Variants in TYW1 observed in about 807,000 individuals in gnomAD.
TYW1 encodes S-adenosyl-L-methionine-dependent tRNA 4-demethylwyosine synthase TYW1.
In TYW1, 46 loss-of-function variants were observed where a neutral mutation model predicts 96.2. The ratio of observed to expected loss-of-function variants is 0.48; its 90% confidence interval spans 0.38 to 0.61. The LOEUF (loss-of-function observed/expected upper bound fraction) is 0.61. Among genes scored for constraint, TYW1 ranks in the 20% least tolerant of loss-of-function variants. The probability of loss-of-function intolerance (pLI) is 0.00; values close to 1 mark genes in which losing one functional copy is unlikely to be tolerated. For synonymous variants in TYW1, 274 were observed against 323.0 expected (o/e 0.85, Z 1.63); for missense variants, 684 against 909.6 (o/e 0.75, Z 3.19).
At chr7:67,229,677 G>A (rs1200808149) in intron 15 of TYW1, among the ~76,000 whole-genome samples, 1 of 152,084 alleles carries the variant, frequency 6.6e-6, no homozygotes, top group African/African-American at 2.4e-5. Flanking sequence ...GCTCTGGCCA[G>A]GTGAGGTGGC....
chr7:67,008,031 C>T (rs558544801), intron 3 of TYW1, among the ~76,000 whole-genome samples: 9 of 152,270 alleles, frequency 5.9e-5, no homozygotes, highest in African/African-American at 1.2e-4. Context: ...TCACAAGTCC[C>T]GGCTTTAAAT....
chr7:67,113,783 G>A (rs1318578977), intron 12 of TYW1, among the ~76,000 whole-genome samples: 12 of 151,892 alleles, frequency 7.9e-5, no homozygotes, highest in South Asian at 4.2e-4. Flanking sequence ...GATTACAGGC[G>A]TGCGCCACCA....
intron 11 of TYW1, 112 bp downstream of exon 11, chr7:67,083,651 C>G (rs919801133): frequency 4.8e-5 from 57 of 1,184,052 alleles, no homozygotes; most frequent in Non-Finnish European, 5.9e-5. Context: ...AAATTTTCCT[C>G]TAAGGAAGTG....
intron 11 of TYW1, among the ~76,000 whole-genome samples, chr7:67,083,849 A>G (rs1021569461): frequency 1.3e-5 from 2 of 152,192 alleles, no homozygotes; most frequent in African/African-American, 4.8e-5. Context: ...AGCCTGGCTA[A>G]CATGGTGAAA....
At chr7:67,083,659 G>A in intron 11 of TYW1, 120 bp downstream of exon 11, 1 of 1,089,382 alleles carries the variant, frequency 9.2e-7, no homozygotes, top group South Asian at 1.7e-5. Context: ...CTCTAAGGAA[G>A]TGAAAACTTT....
chr7:67,193,884 A>G (rs1458466530), intron 14 of TYW1, among the ~76,000 whole-genome samples: 2 of 150,340 alleles, frequency 1.3e-5, no homozygotes, highest in Non-Finnish European at 3.0e-5. Context: ...GTGAATGTGT[A>G]TGAGGGGTGC....
At chr7:67,151,217 A>T (rs182990894) in intron 13 of TYW1, among the ~76,000 whole-genome samples, 150 of 152,200 alleles carry the variant, frequency 9.9e-4, no homozygotes, top group Middle Eastern at 3.4e-3. Context: ...CGCCTGGCTA[A>T]TCTTTTGTAT....
intron 15 of TYW1, among the ~76,000 whole-genome samples, chr7:67,212,343 T>A (rs1242005022): frequency 6.6e-6 from 1 of 150,862 alleles, no homozygotes; most frequent in African/African-American, 2.4e-5. Context: ...TTTTTTTTAT[T>A]GGCAAATAAA....
At position 67,233,572 on chromosome 7, in the gene TYW1, T is replaced by A. The variant is rs1030416542; in HGVS notation, c.1978-4736T>A. Among the ~76,000 whole-genome samples the A allele has an allele frequency of 3.7e-5, 5 of 135,418 alleles. 1 individual carries two copies. Among genetic ancestry groups the A allele is most frequent in the African/African-American group, 1.5e-4 (5 of 33,922 alleles). 88.8% of individuals were successfully genotyped at this position (135,418 alleles called of 152,430 possible). Reference sequence around the variant, plus strand: ...GAGTTTATTTGTAATTCTGCATAGATTCCGTTCTTCCCTTACTGTTGGATT... The same window carrying A: ...GAGTTTATTTGTAATTCTGCATAGAATCCGTTCTTCCCTTACTGTTGGATT... On this transcript the variant is annotated intron_variant, in intron 15 of 15. Coordinates refer to ENST00000359626, the MANE Select transcript of TYW1 (RefSeq NM_018264.4).
At chr7:67,052,964 A>C (rs1795403411) in intron 8 of TYW1, among the ~76,000 whole-genome samples, 1 of 151,714 alleles carries the variant, frequency 6.6e-6, no homozygotes, top group African/African-American at 2.4e-5. Context: ...GATGGTCTCG[A>C]TCTCCTGACC....
At chr7:67,230,210 T>A (rs544461336) in intron 15 of TYW1, among the ~76,000 whole-genome samples, 5 of 152,008 alleles carry the variant, frequency 3.3e-5, no homozygotes, top group Admixed American at 2.6e-4. Flanking sequence ...CTACAACATG[T>A]TTATTATGTG....
intron 15 of TYW1, among the ~76,000 whole-genome samples, chr7:67,217,985 A>G (rs1801257268): frequency 6.6e-6 from 1 of 150,580 alleles, no homozygotes; most frequent in African/African-American, 2.4e-5. Context: ...CAGCCTCCCA[A>G]GTAGCTGGGA....
At chr7:67,136,210 A>G (rs1025758805) in intron 13 of TYW1, among the ~76,000 whole-genome samples, 3 of 152,316 alleles carry the variant, frequency 2.0e-5, no homozygotes, top group East Asian at 1.9e-4. Context: ...TTTAGCCCCA[A>G]AGAGCTTCAG....
intron 12 of TYW1, among the ~76,000 whole-genome samples, chr7:67,102,393 C>T (rs1390670746): frequency 6.6e-6 from 1 of 152,192 alleles, no homozygotes; most frequent in African/African-American, 2.4e-5. Context: ...GATGTTCGTA[C>T]TAGCCTTGAT....
chr7:67,137,967 G>C (rs1037272290), intron 13 of TYW1, among the ~76,000 whole-genome samples: 10 of 152,176 alleles, frequency 6.6e-5, no homozygotes, highest in Non-Finnish European at 7.3e-5. Context: ...CCGAAAAAGA[G>C]TTTTGGACTA....
chr7:67,046,846 C>T (rs1380689793), intron 7 of TYW1, among the ~76,000 whole-genome samples: 1 of 152,136 alleles, frequency 6.6e-6, no homozygotes, highest in East Asian at 1.9e-4. Flanking sequence ...TCTGGGGTTG[C>T]AACACTCACA....
In TYW1 at chr7:67,146,549, A is replaced by G. The variant is rs142238782; in HGVS notation, c.1698+28931A>G. On this transcript the variant is annotated intron_variant, in intron 13 of 15. Coordinates refer to ENST00000359626, the MANE Select transcript of TYW1 (RefSeq NM_018264.4). Reference sequence around the variant, plus strand: ...ACAAAAGTGTAAACAAAGCCCAACCACTTGGTAATTCACAAGACTCAATTT... The same window carrying G: ...ACAAAAGTGTAAACAAAGCCCAACCGCTTGGTAATTCACAAGACTCAATTT... 6.6e-4 allele frequency among the ~76,000 whole-genome samples: 100 copies of G among 152,226 alleles called. 1 individual carries two copies. Among genetic ancestry groups the G allele is most frequent in the African/African-American group, 2.3e-3 (95 of 41,518 alleles).
intron 12 of TYW1, 82 bp downstream of exon 12, chr7:67,098,800 A>G (rs1164158366): frequency 9.2e-6 from 13 of 1,407,670 alleles, no homozygotes; most frequent in East Asian, 2.3e-5. Context: ...TAATGCAATC[A>G]AATAGGATTT....
At chr7:67,159,896 G>T (rs1330259405) in intron 13 of TYW1, among the ~76,000 whole-genome samples, 1 of 151,952 alleles carries the variant, frequency 6.6e-6, no homozygotes, top group Non-Finnish European at 1.5e-5. Flanking sequence ...TGCCTCCCGG[G>T]TTCACGCCAT....
Sources: gnomAD v4.1 joint callset for allele counts (sites outside exome capture counted in the v4.1 genomes callset) on GRCh38, gnomAD v4.1.1 for gene constraint, MANE v1.5 for transcripts, NCBI Gene and HGNC (gene_info 2026-07-23, HGNC 2026-07-21) for gene names.